SLC35F1: variants seen among roughly 807,000 people sequenced by gnomAD.
SLC35F1 encodes the protein chromosome 6 open reading frame 169.
A neutral mutation model predicts 48.7 loss-of-function variants in SLC35F1; 14 were observed. That is an observed-to-expected ratio of 0.29 (90% CI 0.19 to 0.45). The LOEUF (loss-of-function observed/expected upper bound fraction) is 0.45. Among genes scored for constraint, SLC35F1 ranks in the 20% least tolerant of loss-of-function variants. SLC35F1 has a pLI of 1.00. For missense variants in SLC35F1, 404 were observed against 500.0 expected, an observed-to-expected ratio of 0.81 and a Z score of 1.83; for synonymous variants, 190 against 202.2, an observed-to-expected ratio of 0.94 and a Z score of 0.51.
rs148297168 is a variant in SLC35F1, at chr6:117,989,611, A to G, written c.173+81712A>G. Among the ~76,000 whole-genome samples the G allele has an allele frequency of 3.9e-3, 599 of 152,330 alleles. 14 individuals carry two copies. Among genetic ancestry groups the G allele is most frequent in the Non-Finnish European group, 7.5e-4 (51 of 68,022 alleles). On this transcript the variant is annotated intron_variant, in intron 1 of 7. Coordinates refer to ENST00000360388, the MANE Select transcript of SLC35F1 (RefSeq NM_001029858.4). ...TTTCTGAATTTATAAATGATTTGCT[A>G]TTTTGTTAATTTTTTGTAAATTCTA...
chr6:118,183,549 T>A (rs561416529), intron 2 of SLC35F1, among the ~76,000 whole-genome samples: 1 of 152,038 alleles, frequency 6.6e-6, no homozygotes, highest in Admixed American at 6.6e-5. Flanking sequence ...AAAAATTGCA[T>A]AGAACTCATG....
At chr6:117,970,916 T>C (rs889499795) in intron 1 of SLC35F1, among the ~76,000 whole-genome samples, 2 of 152,166 alleles carry the variant, frequency 1.3e-5, no homozygotes, top group African/African-American at 2.4e-5. Context: ...CCAAATCTTA[T>C]TATTCTGCTT....
chr6:118,090,871 G>A (rs112438461), intron 1 of SLC35F1, among the ~76,000 whole-genome samples: 12 of 152,190 alleles, frequency 7.9e-5, no homozygotes, highest in East Asian at 7.7e-4. Flanking sequence ...GACTCACCAC[G>A]ATGTTATTGA....
intron 1 of SLC35F1, among the ~76,000 whole-genome samples, chr6:118,131,985 A>G (rs1357115369): frequency 6.6e-6 from 1 of 152,090 alleles, no homozygotes; most frequent in Non-Finnish European, 1.5e-5. Context: ...AAACTCCCCA[A>G]GTGTCAGGTG....
intron 1 of SLC35F1, among the ~76,000 whole-genome samples, chr6:118,090,136 T>G (rs1773051732): frequency 6.6e-6 from 1 of 152,216 alleles, no homozygotes; most frequent in African/African-American, 2.4e-5. Context: ...CTAGGGCAAC[T>G]GCTAGCATAT....
chr6:118,188,348 G>A (rs1327716993), intron 2 of SLC35F1, among the ~76,000 whole-genome samples: 2 of 152,142 alleles, frequency 1.3e-5, no homozygotes, highest in Admixed American at 6.5e-5. Flanking sequence ...ACAGGCGTTC[G>A]AGACAAGCCT....
At chr6:118,040,825 T>C (rs939934237) in intron 1 of SLC35F1, among the ~76,000 whole-genome samples, 4 of 151,754 alleles carry the variant, frequency 2.6e-5, no homozygotes, top group African/African-American at 4.8e-5. Context: ...AGTGTCTGTG[T>C]CTGGAGTGTG....
chr6:118,123,386 G>C (rs1773580131), intron 1 of SLC35F1, among the ~76,000 whole-genome samples: 1 of 151,436 alleles, frequency 6.6e-6, no homozygotes. Context: ...ACATTTGGTA[G>C]ATGTTAAAAG....
At chr6:118,112,082 C>CTTTAT (rs1169093414) in intron 1 of SLC35F1, among the ~76,000 whole-genome samples, 7 of 131,808 alleles carry the variant, frequency 5.3e-5, no homozygotes, top group African/African-American at 2.0e-4. Context: ...TTCTTTATTT[C>CTTTAT]TTTCTTTTCT....
chr6:117,927,660 A>C (rs1236528577), intron 1 of SLC35F1, among the ~76,000 whole-genome samples: 1 of 152,168 alleles, frequency 6.6e-6, no homozygotes, highest in Non-Finnish European at 1.5e-5. Context: ...TTGTTTTTCT[A>C]ATCGCTTAGA....
At chr6:118,074,828 G>T (rs1371808108) in intron 1 of SLC35F1, among the ~76,000 whole-genome samples, 1 of 152,120 alleles carries the variant, frequency 6.6e-6, no homozygotes, top group Non-Finnish European at 1.5e-5. Context: ...ATTTCTTGTA[G>T]AGATGGGGTC....
intron 1 of SLC35F1, among the ~76,000 whole-genome samples, chr6:118,054,011 A>G (rs886230616): frequency 6.6e-6 from 1 of 152,224 alleles, no homozygotes. Context: ...AACATATGCC[A>G]AATGGTACTT....
At chr6:118,271,022 C>A (rs1438965051) in intron 4 of SLC35F1, among the ~76,000 whole-genome samples, 4 of 151,706 alleles carry the variant, frequency 2.6e-5, no homozygotes, top group African/African-American at 7.3e-5. Flanking sequence ...TAGATGCCAA[C>A]AATAATTTTT....
chr6:117,950,494 A>G (rs888119847), intron 1 of SLC35F1, among the ~76,000 whole-genome samples: 4 of 152,144 alleles, frequency 2.6e-5, no homozygotes, highest in Admixed American at 6.5e-5. Flanking sequence ...ATTGAGCATC[A>G]TTTATTGAGT....
chr6:118,002,926 G>A (rs1242620786), intron 1 of SLC35F1, among the ~76,000 whole-genome samples: 2 of 152,064 alleles, frequency 1.3e-5, no homozygotes, highest in African/African-American at 2.4e-5. Flanking sequence ...TCAGTTATAT[G>A]TGCATTCTCA....
At chr6:118,110,915 C>T (rs1773390311) in intron 1 of SLC35F1, among the ~76,000 whole-genome samples, 1 of 151,942 alleles carries the variant, frequency 6.6e-6, no homozygotes, top group Admixed American at 6.6e-5. Context: ...TTTTCCCTTC[C>T]TCCAGGGGTG....
chr6:118,128,980 CTCTT>C (rs1390231776), intron 1 of SLC35F1, among the ~76,000 whole-genome samples: 24 of 152,072 alleles, frequency 1.6e-4, no homozygotes, highest in Non-Finnish European at 5.9e-5. Flanking sequence ...ATTTGTTACT[CTCTT>C]TCTAATATTT....
chr6:118,002,595 TATA>T (rs1397292673), intron 1 of SLC35F1, among the ~76,000 whole-genome samples: 9 of 151,578 alleles, frequency 5.9e-5, no homozygotes, highest in Non-Finnish European at 1.2e-4. Context: ...AAACTTAAAG[TATA>T]ATAATAATAA....
At chr6:117,930,494 T>C (rs1776086196) in intron 1 of SLC35F1, among the ~76,000 whole-genome samples, 1 of 152,112 alleles carries the variant, frequency 6.6e-6, no homozygotes, top group Admixed American at 6.5e-5. Context: ...AATATGTACT[T>C]AATTTTTTTT....
Sources: allele counts gnomAD v4.1 joint callset (sites outside exome capture counted in the v4.1 genomes callset), GRCh38; gene constraint gnomAD v4.1.1; transcripts MANE v1.5; gene names NCBI Gene and HGNC (gene_info 2026-07-23, HGNC 2026-07-21).